RBM23: variants seen among roughly 807,000 people sequenced by gnomAD.
The protein encoded by RBM23 is probable RNA-binding protein 23.
In RBM23, 53 loss-of-function variants were observed where a neutral mutation model predicts 56.2. The observed-to-expected ratio is 0.94, with a 90% CI of 0.76 to 1.19. The LOEUF (loss-of-function observed/expected upper bound fraction) is 1.19. RBM23 is among the 50% of genes most tolerant of loss of function. The pLI, the probability that RBM23 is intolerant of heterozygous loss-of-function variation, is 0.00. For missense variants in RBM23, 642 were observed against 590.3 expected (o/e 1.09, Z -0.91); for synonymous variants, 197 against 198.5 (o/e 0.99, Z 0.06).
chr14:22,908,272 T>C lies in RBM23; in HGVS notation c.227+61A>G, dbSNP rs150643078. The C allele has an allele frequency of 2.5e-4, 387 of 1,528,084 alleles. 2 individuals are homozygous for C. The African/African-American group carries it at 4.5e-3, about 18-fold the overall frequency. The allele number at this position is 1,528,084 out of a possible 1,614,324, so 94.7% of individuals were successfully genotyped here. On this transcript the variant is annotated intron_variant, in intron 4 of 13. Coordinates refer to ENST00000359890, the MANE Select transcript of RBM23 (RefSeq NM_001077351.2). ...CTGGCCTGAAGTGATCCTCCCGCCT[T>C]GGCTTCCAAAGTGCTAGGATTAAAG...
rs1476112196 is a variant in RBM23, at chr14:22,901,853, TG to T, written c.1276del (p.Gln426SerfsTer116). ...AAAGAGGCTGGAGAGCTGGAAACAC[TG>T]GGAGGCAAGGTTCAGGGCTGGACTC... Reference protein sequence around the residue: ...ALSPALNLASQCFQLSSLFTP... With the variant: ...ALSPALNLASXCFQLSSLFTP... On this transcript the variant is annotated frameshift_variant, in exon 13 of 14. Coordinates refer to ENST00000359890, the MANE Select transcript of RBM23 (RefSeq NM_001077351.2). LOFTEE classifies it high-confidence loss of function. 6.2e-7 allele frequency: 1 copy of T among 1,614,022 alleles called. No homozygotes were observed. Among genetic ancestry groups the T allele is most frequent in the African/African-American group, 1.3e-5 (1 of 74,898 alleles).
chr14:22,906,723 A>G (rs1187603808), intron 4 of RBM23, among the ~76,000 whole-genome samples: 1 of 152,240 alleles, frequency 6.6e-6, no homozygotes, highest in Admixed American at 6.5e-5. Flanking sequence ...GAATGGATAC[A>G]AATATGTCAT....
chr14:22,908,471 C>T (rs1446970708), intron 3 of RBM23, 91 bp from the exon 4 acceptor site: 1 of 1,405,956 alleles, frequency 7.1e-7, no homozygotes, highest in Non-Finnish European at 9.6e-7. Context: ...TGGCTCACTG[C>T]AACCTCCGCC....
rs544169125 is a variant in RBM23 at position 22,901,562 on chromosome 14, G to C, written c.*168C>G. On this transcript the variant is annotated 3_prime_UTR_variant, in exon 14 of 14. Transcript: ENST00000359890. ...AGAGTCCATTTCCAGTGGGACCATG[G>C]GCAGGAGCTTTTCTTGGTATCTTAA... 2 of 974,746 alleles carry C rather than the reference G, an allele frequency of 2.1e-6. No individual in the cohort carries two copies. The highest frequency in any genetic ancestry group is 1.6e-5 in the African/African-American group (1 of 61,254). 60.4% of individuals were successfully genotyped at this position (974,746 alleles called of 1,614,324 possible). A position where few individuals can be genotyped will look rare whatever the true frequency, so the allele number is the denominator to read the frequency against.
At position 22,901,354 on chromosome 14, in the gene RBM23, AG is replaced by A; in HGVS notation, c.*375del. The A allele has an allele frequency of 3.3e-6, 1 of 299,878 alleles. No individual in the cohort carries two copies. The highest frequency in any genetic ancestry group is 6.1e-6 in the Non-Finnish European group (1 of 163,384). The allele number at this position is 299,878 out of a possible 1,614,324, so 18.6% of individuals were successfully genotyped here. ...TTGACAGACTAAAGGTTAAAGGTACAGGAAAAGGAGAGAGGTCAGTTCCTTC... is the reference window on the plus strand; with the variant it reads ...TTGACAGACTAAAGGTTAAAGGTACAGAAAAGGAGAGAGGTCAGTTCCTTC... On this transcript the variant is annotated 3_prime_UTR_variant, in exon 14 of 14. Coordinates refer to ENST00000359890, the MANE Select transcript of RBM23 (RefSeq NM_001077351.2).
In RBM23 at chr14:22,898,619, C is replaced by T. The variant is rs1354147720; in HGVS notation, c.*3111G>A. 3.3e-5 allele frequency: 5 copies of T among 152,014 alleles called. No homozygotes were observed. The highest frequency in any genetic ancestry group is 3.9e-4 in the East Asian group (2 of 5,156). 9.4% of individuals were successfully genotyped at this position (152,014 alleles called of 1,614,324 possible). On this transcript the variant is annotated 3_prime_UTR_variant, in exon 14 of 14. Transcript: ENST00000359890. ...GTAAGACTGGAAATTGTCTTAGATACGTCCTTACTTCCAACATTGTCTCTC... is the reference window on the plus strand; with the variant it reads ...GTAAGACTGGAAATTGTCTTAGATATGTCCTTACTTCCAACATTGTCTCTC...
chr14:22,901,850 C>T lies in RBM23; in HGVS notation c.1280G>A (p.Cys427Tyr). Residue 427 changes from cysteine (C) to tyrosine (Y), a missense_variant, in exon 13 of 14, where the codon TGT (cysteine) becomes TAT (tyrosine). Transcript: ENST00000359890. ...LSPALNLASQ[C>Y]FQLSSLFTPQ... ...GGTAAAGAGGCTGGAGAGCTGGAAA[C>T]ACTGGGAGGCAAGGTTCAGGGCTGG... is the stretch of plus-strand genomic sequence containing the variant. 1 of 1,614,222 alleles carries T rather than the reference C, an allele frequency of 6.2e-7. No individual in the cohort carries two copies. The highest frequency in any genetic ancestry group is 8.5e-7 in the Non-Finnish European group (1 of 1,180,036).
intron 9 of RBM23, among the ~76,000 whole-genome samples, chr14:22,904,610 T>C (rs2041208025): frequency 1.3e-5 from 2 of 151,986 alleles, no homozygotes; most frequent in South Asian, 4.2e-4. Context: ...TAGTTGGGAC[T>C]ATAGGCGTGC....
intron 3 of RBM23, among the ~76,000 whole-genome samples, chr14:22,908,898 CT>C (rs1375890480): frequency 1.3e-5 from 2 of 152,050 alleles, no homozygotes; most frequent in East Asian, 3.8e-4. Context: ...ATTTTTCCCC[CT>C]AATGCGAAGC....
chr14:22,901,671 A>T lies in RBM23; in HGVS notation c.*59T>A. ...AAATGGAGAAATGGGGCCATGGAAG[A>T]GTAGATGTGAAGTGGCAGGATCCAG... On this transcript the variant is annotated 3_prime_UTR_variant, in exon 14 of 14. Coordinates refer to ENST00000359890, the MANE Select transcript of RBM23 (RefSeq NM_001077351.2). 1 of 1,584,460 alleles carries T rather than the reference A, an allele frequency of 6.3e-7. No homozygotes were observed. The highest frequency in any genetic ancestry group is 8.7e-7 in the Non-Finnish European group (1 of 1,153,190).
intron 1 of RBM23, among the ~76,000 whole-genome samples, chr14:22,914,399 C>A (rs977929084): frequency 5.4e-5 from 8 of 149,428 alleles, no homozygotes; most frequent in Non-Finnish European, 8.9e-5. Flanking sequence ...GGCTGAAGCA[C>A]TAGAATTGCT....
At chr14:22,903,782 G>A in intron 10 of RBM23, 2 of 1,000,350 alleles carry the variant, frequency 2.0e-6, no homozygotes, top group Non-Finnish European at 2.4e-6. Flanking sequence ...CCATAATTAG[G>A]TGGCCTCACT....
intron 1 of RBM23, among the ~76,000 whole-genome samples, chr14:22,918,198 C>A (rs1465989102): frequency 6.6e-6 from 1 of 152,116 alleles, no homozygotes; most frequent in Non-Finnish European, 1.5e-5. Context: ...AGTTCGAGGT[C>A]AGCCTGGCTA....
At chr14:22,912,077 T>G (rs1032559696) in intron 1 of RBM23, among the ~76,000 whole-genome samples, 1 of 152,158 alleles carries the variant, frequency 6.6e-6, no homozygotes, top group Admixed American at 6.6e-5. Flanking sequence ...AAATAGACAT[T>G]AGGTCTCCAC....
chr14:22,906,020 G>T, intron 5 of RBM23, 175 bp downstream of exon 5: 1 of 737,850 alleles, frequency 1.4e-6, no homozygotes, highest in Middle Eastern at 3.9e-4. Context: ...AAAGTGCTGG[G>T]ATTACAGGCA....
chr14:22,909,690 CA>C (rs2042139515), intron 2 of RBM23, 95 bp from the exon 3 acceptor site: 5 of 890,242 alleles, frequency 5.6e-6, no homozygotes, highest in Non-Finnish European at 9.2e-6. Context: ...AGGAATAAAT[CA>C]AACCACTTGA....
At chr14:22,904,398 CTTTT>C (rs371371804) in intron 9 of RBM23, 72 bp from the exon 10 acceptor site, 200 of 1,014,644 alleles carry the variant, frequency 2.0e-4, no homozygotes, top group East Asian at 3.3e-4. Flanking sequence ...ACCCAGACTG[CTTTT>C]TTTTTTTTTT....
At chr14:22,908,550 G>A (rs2041958009) in intron 3 of RBM23, 170 bp from the exon 4 acceptor site, 1 of 607,692 alleles carries the variant, frequency 1.6e-6, no homozygotes, top group East Asian at 3.3e-5. Context: ...GTACCATCAT[G>A]CCCAGCTAAT....
chr14:22,905,219 G>T lies in RBM23; in HGVS notation c.601C>A (p.Arg201=). 6.2e-7 allele frequency: 1 copy of T among 1,614,138 alleles called. No homozygotes were observed. The highest frequency in any genetic ancestry group is 8.5e-7 in the Non-Finnish European group (1 of 1,180,020). Residue 201 remains arginine, a synonymous_variant, in exon 8 of 14, where the codon CGG becomes AGG. Coordinates refer to ENST00000359890, the MANE Select transcript of RBM23 (RefSeq NM_001077351.2). ...KVRDVRIISD[R]NSRRSKGIAY... is the part of the protein sequence containing the mutation. ...ATGCCCTTAGAACGACGTGAGTTCC[G>T]ATCTGAGATGATACGTACATCGCGA... is the stretch of plus-strand genomic sequence containing the variant.
Sources: allele counts gnomAD v4.1 joint callset (sites outside exome capture counted in the v4.1 genomes callset), GRCh38; gene constraint gnomAD v4.1.1; transcripts MANE v1.5; gene names NCBI Gene and HGNC (gene_info 2026-07-23, HGNC 2026-07-21).